The following NFU1 variants were observed in gnomAD, a reference collection of about 807,000 sequenced individuals.
NFU1 encodes the protein NFU1 iron-sulfur cluster scaffold, also known as NFU1 iron-sulfur cluster scaffold homolog, mitochondrial.
In NFU1, 30 loss-of-function variants were observed where a neutral mutation model predicts 32.2. The observed-to-expected ratio is 0.93, with a 90% CI of 0.70 to 1.26. The LOEUF (loss-of-function observed/expected upper bound fraction) is 1.26, where lower values mean the gene tolerates loss of function less well. NFU1 is among the 50% of genes most tolerant of loss of function. NFU1 has a pLI of 0.00. For missense variants in NFU1, 306 were observed against 306.6 expected (o/e 1.00, Z 0.02); for synonymous variants, 112 against 104.6 (o/e 1.07, Z -0.43).
chr2:69,437,457 A>C, upstream of NFU1: 1 of 1,604,494 alleles, frequency 6.2e-7, no homozygotes, highest in Non-Finnish European at 8.5e-7. Context: ...TCCCTGACAG[A>C]ACCACGAAAG....
chr2:69,411,046 G>A (rs942385068), intron 5 of NFU1: 2 of 151,636 alleles, frequency 1.3e-5, no homozygotes, highest in Non-Finnish European at 2.9e-5. Flanking sequence ...AAACAGGAAG[G>A]GGGGCAAAAA....
chr2:69,411,337 T>G (rs577641253), intron 5 of NFU1, among the ~76,000 whole-genome samples: 6 of 152,278 alleles, frequency 3.9e-5, no homozygotes, highest in African/African-American at 7.2e-5. Flanking sequence ...CAAATACTTA[T>G]GGAGCTTCAT....
At position 69,425,211 on chromosome 2, in the gene NFU1, G is replaced by T. The variant is rs187287016; in HGVS notation, c.167-1494C>A. ...TTTTTAAAAAAAATCTGTGGAGGTG[G>T]AATCTCCCAATGTTGCTCAAGCTGG... On this transcript the variant is annotated intron_variant, in intron 2 of 7. Coordinates refer to ENST00000410022, the MANE Select transcript of NFU1 (RefSeq NM_001002755.4). 1.3e-4 allele frequency among the ~76,000 whole-genome samples: 20 copies of T among 151,986 alleles called. No homozygotes were observed. In the East Asian group the frequency reaches 3.7e-3, roughly 28 times the overall value.
chr2:69,433,044 G>C (rs920101444), intron 1 of NFU1, among the ~76,000 whole-genome samples: 5 of 146,332 alleles, frequency 3.4e-5, no homozygotes, highest in Non-Finnish European at 6.0e-5. Flanking sequence ...CAGCTACTCG[G>C]GAGGCTGAGG....
intron 6 of NFU1, among the ~76,000 whole-genome samples, chr2:69,403,143 A>C (rs985183593): frequency 6.6e-6 from 1 of 151,744 alleles, no homozygotes; most frequent in Non-Finnish European, 1.5e-5. Context: ...TTGGCCTCCC[A>C]AAATGCTAGG....
chr2:69,412,571 G>A (rs1558822469), intron 5 of NFU1, among the ~76,000 whole-genome samples: 3 of 151,942 alleles, frequency 2.0e-5, no homozygotes, highest in African/African-American at 4.8e-5. Flanking sequence ...ATTTTTAGTA[G>A]AGATGGGGTT....
chr2:69,432,285 C>A (rs1673663727), intron 1 of NFU1, among the ~76,000 whole-genome samples: 1 of 152,038 alleles, frequency 6.6e-6, no homozygotes, highest in Non-Finnish European at 1.5e-5. Flanking sequence ...GTATAAGAAA[C>A]AGAATTGGGC....
chr2:69,421,562 C>CTTTTTTT lies in NFU1; in HGVS notation c.303-1965_303-1959dup, dbSNP rs763705011. 9.5e-4 allele frequency among the ~76,000 whole-genome samples: 67 copies of CTTTTTTT among 70,762 alleles called. 1 individual carries two copies. The highest frequency in any genetic ancestry group is 1.1e-3 in the Admixed American group (5 of 4,734). The allele number at this position is 70,762 out of a possible 152,430, so 46.4% of individuals were successfully genotyped here. A position where few individuals can be genotyped will look rare whatever the true frequency, so the allele number is the denominator to read the frequency against. ...CATCCCAACAATTTTATCATTTGTG[C>CTTTTTTT]TTTTTTTTTTTTTTTTTTTTTTTTT... On this transcript the variant is annotated intron_variant, in intron 3 of 7. Transcript: ENST00000410022.
chr2:69,424,095 C>G lies in NFU1; in HGVS notation c.167-378G>C, dbSNP rs543734494. Among the ~76,000 whole-genome samples, 4 of 139,076 alleles carry G rather than the reference C, an allele frequency of 2.9e-5. No homozygotes were observed. In the East Asian group the frequency reaches 8.9e-4, roughly 31 times the overall value. The allele number at this position is 139,076 out of a possible 152,430, so 91.2% of individuals were successfully genotyped here. A position where few individuals can be genotyped will look rare whatever the true frequency, so the allele number is the denominator to read the frequency against. Reference sequence around the variant, plus strand: ...GACTGAGGCAGAGAATTGCTTGAACCTGCGAGGCGGAGGTTGCAGTGAGCC... The same window carrying G: ...GACTGAGGCAGAGAATTGCTTGAACGTGCGAGGCGGAGGTTGCAGTGAGCC... On this transcript the variant is annotated intron_variant, in intron 2 of 7. Coordinates refer to ENST00000410022, the MANE Select transcript of NFU1 (RefSeq NM_001002755.4).
chr2:69,436,194 A>G (rs112751764), intron 1 of NFU1, among the ~76,000 whole-genome samples: 1 of 152,180 alleles, frequency 6.6e-6, no homozygotes, highest in South Asian at 2.1e-4. Context: ...TCATCTCTAC[A>G]ATGAGATTAG....
chr2:69,404,701 C>A (rs1259658943), intron 6 of NFU1, among the ~76,000 whole-genome samples: 1 of 132,246 alleles, frequency 7.6e-6, no homozygotes, highest in Non-Finnish European at 1.5e-5. Flanking sequence ...CTGACTGCAA[C>A]CTCCGCCTCC....
intron 4 of NFU1, among the ~76,000 whole-genome samples, chr2:69,418,364 C>A (rs1301024619): frequency 6.7e-6 from 1 of 150,368 alleles, no homozygotes; most frequent in African/African-American, 2.4e-5. Context: ...CATGCCACTG[C>A]ACTCTGACCT....
chr2:69,400,957 A>AT (rs950767558), intron 6 of NFU1, among the ~76,000 whole-genome samples: 6 of 151,966 alleles, frequency 3.9e-5, no homozygotes, highest in Middle Eastern at 3.4e-3. Flanking sequence ...CTCTAAAGAA[A>AT]TTTTTTTTAA....
chr2:69,421,634 C>T (rs1290636562), intron 3 of NFU1, among the ~76,000 whole-genome samples: 2 of 123,192 alleles, frequency 1.6e-5, no homozygotes, highest in Non-Finnish European at 3.1e-5. Flanking sequence ...GTGGCGCTAT[C>T]TCGGCTCACT....
At chr2:69,438,541 G>T (rs536345738), upstream of NFU1, among the ~76,000 whole-genome samples, 228 of 152,162 alleles carry the variant, frequency 1.5e-3, 1 homozygote, top group African/African-American at 5.2e-3. Context: ...AAAGCTCTTA[G>T]GTTACCTCAC....
chr2:69,417,522 T>A (rs1402643243), intron 4 of NFU1, among the ~76,000 whole-genome samples: 4 of 151,398 alleles, frequency 2.6e-5, no homozygotes, highest in Non-Finnish European at 5.9e-5. Flanking sequence ...CATAGTGGCA[T>A]GCACCTGTAG....
chr2:69,423,743 T>C (rs1161767640), intron 2 of NFU1, 26 bp from the exon 3 acceptor site: 6 of 1,533,774 alleles, frequency 3.9e-6, no homozygotes, highest in African/African-American at 1.4e-5. Context: ...AAGAAAATGT[T>C]ATTCTAGAAA....
intron 1 of NFU1, among the ~76,000 whole-genome samples, chr2:69,435,974 C>T (rs1673819037): frequency 6.6e-6 from 1 of 151,010 alleles, no homozygotes; most frequent in Admixed American, 6.6e-5. Flanking sequence ...GAACTCCTGA[C>T]CTCAGCCAAT....
upstream of NFU1, chr2:69,437,507 C>T (rs1436104512): frequency 6.6e-7 from 1 of 1,512,452 alleles, no homozygotes; most frequent in African/African-American, 1.4e-5. Flanking sequence ...TGGGCGGGCA[C>T]TGGGAAGAGC....
Sources: allele counts gnomAD v4.1 joint callset (sites outside exome capture counted in the v4.1 genomes callset), GRCh38; gene constraint gnomAD v4.1.1; transcripts MANE v1.5; gene names NCBI Gene and HGNC (gene_info 2026-07-23, HGNC 2026-07-21).